Variants in DACH2 observed in about 807,000 individuals in gnomAD.
DACH2 encodes dachshund family transcription factor 2.
In DACH2, 17 loss-of-function variants were observed where a neutral mutation model predicts 35.8. The ratio of observed to expected loss-of-function variants is 0.48; its 90% CI spans 0.33 to 0.71. The LOEUF (loss-of-function observed/expected upper bound fraction) is 0.71. Ranked by LOEUF, DACH2 falls within the 30% of genes least tolerant of loss-of-function variation. The pLI, the probability that DACH2 is intolerant of heterozygous loss-of-function variation, is 0.02. For missense variants in DACH2, 469 were observed against 472.7 expected, an observed-to-expected ratio of 0.99 and a Z score of 0.07; for synonymous variants, 195 against 177.3, an observed-to-expected ratio of 1.10 and a Z score of -0.79.
At chrX:86,343,945 G>T (rs2035455340) in intron 1 of DACH2, among the ~76,000 whole-genome samples, 1 of 110,005 alleles carries the variant, frequency 9.1e-6, no homozygotes, top group Admixed American at 9.8e-5. Context: ...AAGTGGGGAT[G>T]GTTAATGGAT....
At chrX:86,778,811 A>G (rs2042062137) in intron 7 of DACH2, among the ~76,000 whole-genome samples, 2 of 111,163 alleles carry the variant, frequency 1.8e-5, no homozygotes, top group Admixed American at 1.9e-4. Flanking sequence ...GGGTTTCACC[A>G]TCTTGGCCAG....
At chrX:86,451,490 A>G (rs1447300706) in intron 2 of DACH2, among the ~76,000 whole-genome samples, 4 of 111,461 alleles carry the variant, frequency 3.6e-5, no homozygotes, top group Admixed American at 9.6e-5. Flanking sequence ...GTCAGGTAGC[A>G]TGATATCTCC....
At chrX:86,457,196 G>A (rs753807594) in intron 2 of DACH2, among the ~76,000 whole-genome samples, 8 of 111,849 alleles carry the variant, frequency 7.2e-5, no homozygotes, top group Admixed American at 9.5e-5. Flanking sequence ...AAAAGTAGAA[G>A]CAGTAAGAAT....
intron 3 of DACH2, among the ~76,000 whole-genome samples, chrX:86,533,015 A>T (rs1405380326): frequency 9.3e-5 from 10 of 107,336 alleles, no homozygotes; most frequent in Non-Finnish European, 1.4e-4. Context: ...AGCAATGGAC[A>T]ATTTTTTAAT....
At position 86,813,187 on chromosome X, in the gene DACH2, G is replaced by A. The variant is rs775992347; in HGVS notation, c.1447G>A (p.Glu483Lys). 9 of 1,207,543 alleles carry A rather than the reference G, an allele frequency of 7.5e-6. No homozygotes were observed. The South Asian group carries it at 1.6e-4, about 22-fold the overall frequency. The change falls in exon 9 of 12, where the codon GAA becomes AAA. Residue 483 changes from glutamate (E) to lysine (K), a missense_variant. Physicochemically the swap from Glu to Lys is moderately conservative, Grantham distance 56. Around this residue, in one of 3 missense-constraint regions of DACH2, gnomAD observed 363 missense variants for 334.4 expected, o/e 1.09. Transcript: ENST00000373125. ...ARIQEKQIQQ[E>K]KKELRLELYR... ...CATCCAGGAGAAGCAGATTCAACAA[G>A]AAAAGAAGGAGCTGCGACTGGAGCT...
At chrX:86,364,242 C>A (rs1011109677) in intron 1 of DACH2, among the ~76,000 whole-genome samples, 3 of 111,557 alleles carry the variant, frequency 2.7e-5, no homozygotes. Context: ...TGTATTGTTT[C>A]ATACTACGAA....
chrX:86,160,371 CT>C (rs1416196746), intron 1 of DACH2: 2 of 727,581 alleles, frequency 2.7e-6, no homozygotes, highest in African/African-American at 4.1e-5. Flanking sequence ...GGAGGATAGT[CT>C]GAGAAGCTCT....
intron 1 of DACH2, among the ~76,000 whole-genome samples, chrX:86,317,604 G>C (rs749706889): frequency 8.9e-6 from 1 of 112,220 alleles, no homozygotes; most frequent in South Asian, 3.7e-4. Flanking sequence ...GGACTGAGCT[G>C]TTTGCAAAAT....
intron 4 of DACH2, among the ~76,000 whole-genome samples, chrX:86,670,137 C>T (rs1171823981): frequency 9.0e-6 from 1 of 111,241 alleles, no homozygotes; most frequent in Admixed American, 9.6e-5. Flanking sequence ...TAATACTTGT[C>T]TGTTTTTCAT....
intron 2 of DACH2, among the ~76,000 whole-genome samples, chrX:86,441,193 A>G (rs2037155064): frequency 9.0e-6 from 1 of 111,416 alleles, no homozygotes; most frequent in Non-Finnish European, 1.9e-5. Context: ...TTAATAATTT[A>G]TCAATATTAG....
At position 86,739,832 on chromosome X, in the gene DACH2, G is replaced by A. The variant is rs1479731868; in HGVS notation, c.1190G>A (p.Ser397Asn). 1 of 1,205,615 alleles carries A rather than the reference G, an allele frequency of 8.3e-7. No homozygotes were observed. The highest frequency in any genetic ancestry group is 3.0e-5 in the East Asian group (1 of 33,437). The part of the protein sequence containing the change: ...PGSQTSSHTS[S>N]SVSSSPSQMD... The stretch of plus-strand genomic sequence containing the variant: ...AGCCAGACCTCTTCCCACACCAGCA[G>A]CAGTGTGTCCAGCTCTCCCTCTCAG... Residue 397 changes from serine (S) to asparagine (N), a missense_variant, in exon 7 of 12, where the codon AGC becomes AAC. Physicochemically the swap from Ser to Asn is conservative, Grantham distance 46 (BLOSUM62 1). This residue lies in a region of DACH2 where 363 missense variants were observed against 334.4 expected (regional missense o/e 1.09). Coordinates refer to ENST00000373125, the MANE Select transcript of DACH2 (RefSeq NM_053281.3).
chrX:86,281,217 A>G (rs1314558471), intron 1 of DACH2, among the ~76,000 whole-genome samples: 1 of 111,541 alleles, frequency 9.0e-6, no homozygotes, highest in African/African-American at 3.3e-5. Context: ...TTTCAGGCCA[A>G]TATCCCTGAT....
At chrX:86,417,766 T>C (rs1217755498) in intron 2 of DACH2, among the ~76,000 whole-genome samples, 1 of 111,290 alleles carries the variant, frequency 9.0e-6, no homozygotes, top group Non-Finnish European at 1.9e-5. Context: ...ATACCAATCA[T>C]GTCTTCCCAA....
chrX:86,783,671 A>C (rs926675571), intron 7 of DACH2, among the ~76,000 whole-genome samples: 1 of 112,169 alleles, frequency 8.9e-6, no homozygotes, highest in African/African-American at 3.2e-5. Context: ...ACACAGAACA[A>C]AAAACTTTCC....
intron 6 of DACH2, among the ~76,000 whole-genome samples, chrX:86,734,969 A>G (rs1040078595): frequency 1.2e-4 from 13 of 111,792 alleles, no homozygotes; most frequent in Non-Finnish European, 2.1e-4. Context: ...CAGTAGCAAA[A>G]TGCCATTAAA....
chrX:86,391,863 T>G (rs2036208098), intron 2 of DACH2, among the ~76,000 whole-genome samples: 1 of 111,474 alleles, frequency 9.0e-6, no homozygotes, highest in Non-Finnish European at 1.9e-5. Flanking sequence ...TATAAGAAAA[T>G]AAGTTGTTTA....
At chrX:86,298,632 T>G (rs538156275) in intron 1 of DACH2, among the ~76,000 whole-genome samples, 12 of 112,058 alleles carry the variant, frequency 1.1e-4, no homozygotes, top group African/African-American at 3.2e-4. Context: ...TAAGTCATTT[T>G]CATCCACAAT....
At chrX:86,395,352 C>T (rs1569376380) in intron 2 of DACH2, among the ~76,000 whole-genome samples, 1 of 110,720 alleles carries the variant, frequency 9.0e-6, no homozygotes, top group Admixed American at 9.6e-5. Context: ...ATACAACAAA[C>T]TATTTGTTAT....
intron 2 of DACH2, among the ~76,000 whole-genome samples, chrX:86,426,939 T>A (rs181112223): frequency 2.2e-4 from 25 of 112,577 alleles, no homozygotes; most frequent in African/African-American, 6.4e-4. Context: ...TTTGCTTTTT[T>A]AATATATTTC....
Sources: allele counts gnomAD v4.1 joint callset (sites outside exome capture counted in the v4.1 genomes callset), GRCh38; gene constraint gnomAD v4.1.1; regional missense constraint gnomAD v4.1.1; transcripts MANE v1.5; gene names NCBI Gene and HGNC (gene_info 2026-07-23, HGNC 2026-07-21).